Variants in DENND5B observed in about 807,000 individuals in gnomAD.
DENND5B encodes DENN domain containing 5B.
In DENND5B, 34 loss-of-function variants were observed where a neutral mutation model predicts 140.6. That is an observed-to-expected ratio of 0.24 (90% CI 0.18 to 0.32). The LOEUF (loss-of-function observed/expected upper bound fraction) is 0.32, where lower values mean the gene tolerates loss of function less well. DENND5B is among the 10% of genes least tolerant of loss of function. The pLI is 1.00. For missense variants in DENND5B, 1,142 were observed against 1,560.2 expected, an observed-to-expected ratio of 0.73 and a Z score of 4.52; for synonymous variants, 551 against 562.1, an observed-to-expected ratio of 0.98 and a Z score of 0.28.
chr12:31,540,413 G>A (rs1948646051), intron 1 of DENND5B, among the ~76,000 whole-genome samples: 1 of 152,136 alleles, frequency 6.6e-6, no homozygotes, highest in African/African-American at 2.4e-5. Context: ...CAGTGCTTTG[G>A]GAGGCCAAGG....
At chr12:31,403,725 G>A (rs1182232730) in intron 14 of DENND5B, among the ~76,000 whole-genome samples, 2 of 150,984 alleles carry the variant, frequency 1.3e-5, no homozygotes, top group Non-Finnish European at 3.0e-5. Context: ...GTGAAACCCC[G>A]TCTCTACTAA....
At chr12:31,590,470 A>T (rs1353563031) in intron 1 of DENND5B, 2 of 401,256 alleles carry the variant, frequency 5.0e-6, no homozygotes, top group Non-Finnish European at 8.4e-6. Flanking sequence ...CGCGCCTGTT[A>T]TTAATAACCC....
rs527829495 is a variant in DENND5B, at chr12:31,561,478, A to G, written c.127+29228T>C. 1.5e-3 allele frequency among the ~76,000 whole-genome samples: 231 copies of G among 152,162 alleles called. 3 individuals carry two copies. The highest frequency in any genetic ancestry group is 5.4e-3 in the African/African-American group (223 of 41,512). ...GTCTCAAATAATAATAATAACAACA[A>G]CAACAATTTATGCTCCACATGCCTG... On this transcript the variant is annotated intron_variant, in intron 1 of 20. Coordinates refer to ENST00000389082, the MANE Select transcript of DENND5B (RefSeq NM_144973.4).
At chr12:31,548,465 G>A (rs1337816181) in intron 1 of DENND5B, among the ~76,000 whole-genome samples, 1 of 151,378 alleles carries the variant, frequency 6.6e-6, no homozygotes, top group East Asian at 1.9e-4. Context: ...CAGTATCTAA[G>A]ACCAGGTTCT....
At chr12:31,520,665 C>T (rs758304418) in intron 1 of DENND5B, among the ~76,000 whole-genome samples, 22 of 152,074 alleles carry the variant, frequency 1.4e-4, no homozygotes, top group Middle Eastern at 3.4e-3. Flanking sequence ...CTCAGCCTCC[C>T]GACTAGCTGG....
chr12:31,568,686 T>C (rs1233293689), intron 1 of DENND5B, among the ~76,000 whole-genome samples: 1 of 152,194 alleles, frequency 6.6e-6, no homozygotes, highest in Admixed American at 6.5e-5. Context: ...GCATAAAGGT[T>C]GCGCCTAAAC....
At chr12:31,540,372 G>A (rs1042092021) in intron 1 of DENND5B, among the ~76,000 whole-genome samples, 2 of 152,062 alleles carry the variant, frequency 1.3e-5, no homozygotes, top group African/African-American at 4.8e-5. Flanking sequence ...AACAATTCTA[G>A]GCCAGGCGTG....
At chr12:31,455,510 T>C (rs1267910871) in intron 4 of DENND5B, among the ~76,000 whole-genome samples, 1 of 152,142 alleles carries the variant, frequency 6.6e-6, no homozygotes, top group Non-Finnish European at 1.5e-5. Context: ...AAAAAGCCCT[T>C]TCTCCAAAAC....
rs376617940 is a variant in DENND5B at position 31,383,242 on chromosome 12, T to A, written c.*4361A>T. ...AAGAAGATATTTCATTATGAAGAGC[T>A]ACACTCCTAATGTTGTGAAATAAAT... On this transcript the variant is annotated 3_prime_UTR_variant, in exon 21 of 21. Coordinates refer to ENST00000389082, the MANE Select transcript of DENND5B (RefSeq NM_144973.4). 21 of 152,332 alleles carry A rather than the reference T, an allele frequency of 1.4e-4. No homozygotes were observed. The highest frequency in any genetic ancestry group is 4.1e-4 in the African/African-American group (17 of 41,588). 9.4% of individuals were successfully genotyped at this position (152,332 alleles called of 1,614,324 possible).
intron 1 of DENND5B, among the ~76,000 whole-genome samples, chr12:31,559,579 A>T (rs1259405): frequency 0.82 from 124,268 of 152,176 alleles, 51,066 homozygotes; most frequent in African/African-American, 0.9. Context: ...ACATTAGGAA[A>T]GTTTTGCCTA....
chr12:31,518,465 T>A (rs1233702512), intron 1 of DENND5B, among the ~76,000 whole-genome samples: 2 of 152,198 alleles, frequency 1.3e-5, no homozygotes, highest in Non-Finnish European at 2.9e-5. Flanking sequence ...TCTGTACCCT[T>A]GTGCCAGGAC....
intron 7 of DENND5B, among the ~76,000 whole-genome samples, chr12:31,437,194 A>G (rs991908514): frequency 1.3e-5 from 2 of 150,922 alleles, no homozygotes; most frequent in Non-Finnish European, 2.9e-5. Flanking sequence ...CCAGGCTGGA[A>G]TGCAGTGGCA....
intron 1 of DENND5B, among the ~76,000 whole-genome samples, chr12:31,542,148 C>T (rs1948699216): frequency 2.0e-5 from 3 of 151,994 alleles, no homozygotes; most frequent in African/African-American, 2.4e-5. Flanking sequence ...ATTAGCTGGG[C>T]GTGGTGGTGG....
intron 14 of DENND5B, among the ~76,000 whole-genome samples, chr12:31,405,652 A>G (rs1942087738): frequency 6.6e-6 from 1 of 151,612 alleles, no homozygotes; most frequent in African/African-American, 2.4e-5. Flanking sequence ...GGTTCAAGTG[A>G]TTCTCCTGCC....
At chr12:31,443,826 A>G (rs1399606013) in intron 6 of DENND5B, 1 of 152,234 alleles carries the variant, frequency 6.6e-6, no homozygotes, top group Non-Finnish European at 1.5e-5. Context: ...TAGATCAAGA[A>G]GGTAATACAG....
intron 1 of DENND5B, among the ~76,000 whole-genome samples, chr12:31,581,521 T>A (rs1224708563): frequency 6.6e-6 from 1 of 151,830 alleles, no homozygotes; most frequent in Non-Finnish European, 1.5e-5. Context: ...AAACTCCGTC[T>A]CTACTAAAAA....
chr12:31,415,327 G>A (rs1432890114), intron 12 of DENND5B, 40 bp downstream of exon 12: 3 of 1,500,582 alleles, frequency 2.0e-6, no homozygotes, highest in Non-Finnish European at 2.7e-6. Flanking sequence ...ATACTTCAAA[G>A]TTATCACCAC....
intron 3 of DENND5B, among the ~76,000 whole-genome samples, chr12:31,469,039 GA>G (rs1411323785): frequency 6.6e-6 from 1 of 151,874 alleles, no homozygotes; most frequent in East Asian, 1.9e-4. Flanking sequence ...ATTTATTCAA[GA>G]AAAAAATAGA....
intron 20 of DENND5B, among the ~76,000 whole-genome samples, chr12:31,389,028 G>C (rs1940992292): frequency 6.6e-6 from 1 of 152,106 alleles, no homozygotes. Flanking sequence ...TAACTTACGT[G>C]TGCCTCATCT....
Sources: gnomAD v4.1 joint callset for allele counts (sites outside exome capture counted in the v4.1 genomes callset) on GRCh38, gnomAD v4.1.1 for gene constraint, MANE v1.5 for transcripts, NCBI Gene and HGNC (gene_info 2026-07-23, HGNC 2026-07-21) for gene names.